The following TPD52 variants were observed in gnomAD, a reference collection of about 807,000 sequenced individuals.
The protein encoded by TPD52 is prostate and colon associated protein.
TPD52 carries 17 observed loss-of-function variants against 31.3 expected under a neutral mutation model. The observed-to-expected ratio is 0.54, with a 90% CI of 0.37 to 0.82. TPD52 has a LOEUF of 0.82. Among genes scored for constraint, TPD52 ranks in the 40% least tolerant of loss-of-function variants. The pLI, the probability that TPD52 is intolerant of heterozygous loss-of-function variation, is 0.00. For synonymous variants in TPD52, 83 were observed against 89.6 expected, an observed-to-expected ratio of 0.93 and a Z score of 0.42; for missense variants, 212 against 240.1, an observed-to-expected ratio of 0.88 and a Z score of 0.77.
At chr8:80,065,308 T>TAC (rs1375521629) in intron 1 of TPD52, among the ~76,000 whole-genome samples, 11 of 150,254 alleles carry the variant, frequency 7.3e-5, no homozygotes, top group Admixed American at 7.3e-4. Context: ...TCTATCTATA[T>TAC]ATATATATAT....
Position 80,038,053 on chromosome 8 carries a change from C to A in TPD52, c.*63G>T. On this transcript the variant is annotated 3_prime_UTR_variant, in exon 8 of 8. Coordinates refer to ENST00000518937, the MANE Select transcript of TPD52 (RefSeq NM_001025253.3). Reference sequence around the variant, plus strand: ...AGAAATTCATGGCAATGCATGTTGACAAGATGTGCTTGGACCTCGCTTGCA... The same window carrying A: ...AGAAATTCATGGCAATGCATGTTGAAAAGATGTGCTTGGACCTCGCTTGCA... 6.3e-7 allele frequency: 1 copy of A among 1,584,272 alleles called. No homozygotes were observed. The highest frequency in any genetic ancestry group is 8.6e-7 in the Non-Finnish European group (1 of 1,159,946).
chr8:80,083,787 C>T lies in TPD52; in HGVS notation c.20-19194G>A, dbSNP rs116324661. Among the ~76,000 whole-genome samples the T allele has an allele frequency of 8.0e-3, 1,215 of 152,244 alleles. 21 individuals are homozygous for T. The highest frequency in any genetic ancestry group is 0.028 in the African/African-American group (1,161 of 41,520). Reference sequence around the variant, plus strand: ...TTTTTATTTCCTGTTGTGGACTAGTCGGCCTGGGGAAGAACCAGGTAAGAT... The same window carrying T: ...TTTTTATTTCCTGTTGTGGACTAGTTGGCCTGGGGAAGAACCAGGTAAGAT... On this transcript the variant is annotated intron_variant, in intron 1 of 7. Coordinates refer to ENST00000518937, the MANE Select transcript of TPD52 (RefSeq NM_001025253.3).
At chr8:80,149,118 C>T (rs543822811) in intron 1 of TPD52, among the ~76,000 whole-genome samples, 1 of 152,162 alleles carries the variant, frequency 6.6e-6, no homozygotes, top group Non-Finnish European at 1.5e-5. Flanking sequence ...TATAGTTTGG[C>T]TGTGTCCCCA....
At chr8:80,039,420 CTTT>C (rs773222089) in intron 7 of TPD52, among the ~76,000 whole-genome samples, 1 of 147,698 alleles carries the variant, frequency 6.8e-6, no homozygotes, top group Non-Finnish European at 1.5e-5. Context: ...TCCAATCAAT[CTTT>C]TTTTTTTTCC....
chr8:80,102,853 A>G (rs1286193734), intron 1 of TPD52, among the ~76,000 whole-genome samples: 1 of 152,192 alleles, frequency 6.6e-6, no homozygotes, highest in Non-Finnish European at 1.5e-5. Flanking sequence ...TGAATCGATT[A>G]ACCAACAGCC....
chr8:80,150,973 G>C (rs1810530667), intron 1 of TPD52, among the ~76,000 whole-genome samples: 1 of 152,128 alleles, frequency 6.6e-6, no homozygotes, highest in Non-Finnish European at 1.5e-5. Context: ...GGGGAAGAAA[G>C]GTATGGTTTG....
At chr8:80,058,492 C>T (rs948247864) in intron 2 of TPD52, among the ~76,000 whole-genome samples, 34 of 152,254 alleles carry the variant, frequency 2.2e-4, no homozygotes, top group African/African-American at 7.9e-4. Flanking sequence ...TATTCTAATG[C>T]CCTCTACAAA....
chr8:80,081,368 A>G (rs1028108812), intron 1 of TPD52, among the ~76,000 whole-genome samples: 8 of 117,332 alleles, frequency 6.8e-5, no homozygotes, highest in African/African-American at 2.8e-4. Flanking sequence ...CTAAGTCACC[A>G]AATTTATTTC....
chr8:80,076,613 T>C (rs1207651136), intron 1 of TPD52, among the ~76,000 whole-genome samples: 1 of 152,202 alleles, frequency 6.6e-6, no homozygotes, highest in Non-Finnish European at 1.5e-5. Context: ...CAAACCCCTA[T>C]GACACATGTT....
At chr8:80,130,998 A>G (rs1037616974) in intron 1 of TPD52, among the ~76,000 whole-genome samples, 8 of 152,348 alleles carry the variant, frequency 5.3e-5, no homozygotes, top group African/African-American at 1.9e-4. Flanking sequence ...TCAAGTGCAT[A>G]GGGTAATTTT....
At chr8:80,069,050 AG>A (rs1260017110) in intron 1 of TPD52, among the ~76,000 whole-genome samples, 70 of 152,370 alleles carry the variant, frequency 4.6e-4, no homozygotes, top group African/African-American at 1.3e-3. Context: ...AATTCAAATA[AG>A]TTAGATTATG....
chr8:80,051,953 C>T (rs746272555), intron 3 of TPD52: 4 of 240,904 alleles, frequency 1.7e-5, no homozygotes, highest in Non-Finnish European at 3.2e-5. Context: ...CCTGAAAGAA[C>T]TCATACCTAT....
At chr8:80,151,414 G>C (rs565061198) in intron 1 of TPD52, among the ~76,000 whole-genome samples, 26 of 152,334 alleles carry the variant, frequency 1.7e-4, no homozygotes, top group African/African-American at 6.3e-4. Flanking sequence ...CAGCCGAAGT[G>C]ATTGTTAAAG....
intron 1 of TPD52, among the ~76,000 whole-genome samples, chr8:80,137,969 A>T (rs1036950802): frequency 1.3e-5 from 2 of 151,134 alleles, no homozygotes; most frequent in African/African-American, 4.9e-5. Flanking sequence ...TTTGAGACAG[A>T]GTTTCACTCT....
chr8:80,086,150 A>G (rs1394121280), intron 1 of TPD52, among the ~76,000 whole-genome samples: 4 of 113,388 alleles, frequency 3.5e-5, no homozygotes, highest in Non-Finnish European at 4.9e-5. Context: ...ACGGACTCTC[A>G]CTCTGTTGCC....
In TPD52 at chr8:80,053,407, CAG is replaced by C; in HGVS notation, c.157_158del (p.Leu53ValfsTer48). On this transcript the variant is annotated frameshift_variant, in exon 3 of 8. Transcript: ENST00000518937. LOFTEE classifies it high-confidence loss of function. ...TCTCTTTTGCTGCTAACACTTGAGA[CAG>C]AGTCTGGATTTCTTCTTCTACCTAT... ...LAKVEEEIQTLSQVLAAKEKH... is the reference protein window; with the variant it reads ...LAKVEEEIQTXSQVLAAKEKH... The C allele has an allele frequency of 6.2e-7, 1 of 1,613,434 alleles. No homozygotes were observed. Among genetic ancestry groups the C allele is most frequent in the Non-Finnish European group, 8.5e-7 (1 of 1,179,602 alleles).
At chr8:80,055,477 G>C (rs1487612431) in intron 2 of TPD52, among the ~76,000 whole-genome samples, 1 of 152,160 alleles carries the variant, frequency 6.6e-6, no homozygotes, top group East Asian at 1.9e-4. Flanking sequence ...AAACATAGGA[G>C]AAACACTTCA....
chr8:80,088,863 T>G (rs1387383536), intron 1 of TPD52, among the ~76,000 whole-genome samples: 1 of 152,134 alleles, frequency 6.6e-6, no homozygotes, highest in Non-Finnish European at 1.5e-5. Context: ...ACATAGCTAA[T>G]TTTTTGTATT....
chr8:80,155,001 GT>G (rs201457391), intron 1 of TPD52, among the ~76,000 whole-genome samples: 89 of 139,432 alleles, frequency 6.4e-4, no homozygotes, highest in Admixed American at 1.3e-3. Context: ...TTGGTTTTTT[GT>G]TTTTTTTTTT....
Sources: allele counts gnomAD v4.1 joint callset (sites outside exome capture counted in the v4.1 genomes callset), GRCh38; gene constraint gnomAD v4.1.1; transcripts MANE v1.5; gene names NCBI Gene and HGNC (gene_info 2026-07-23, HGNC 2026-07-21).